KCNMB2: variants seen among roughly 807,000 people sequenced by gnomAD.
The protein encoded by KCNMB2 is potassium calcium-activated channel subfamily M regulatory beta subunit 2.
In KCNMB2, 9 loss-of-function variants were observed where a neutral mutation model predicts 24.5. That is an observed-to-expected ratio of 0.37 (90% CI 0.22 to 0.64). KCNMB2 has a LOEUF of 0.64. KCNMB2 is among the 30% of genes least tolerant of loss of function. The pLI, the probability that KCNMB2 is intolerant of heterozygous loss-of-function variation, is 0.63. For synonymous variants in KCNMB2, 109 were observed against 104.4 expected, an observed-to-expected ratio of 1.04 and a Z score of -0.27; for missense variants, 226 against 284.3, an observed-to-expected ratio of 0.79 and a Z score of 1.47.
intron 1 of KCNMB2, among the ~76,000 whole-genome samples, chr3:178,715,892 G>A (rs564841003): frequency 6.6e-6 from 1 of 152,282 alleles, no homozygotes; most frequent in East Asian, 1.9e-4. Flanking sequence ...CAACTTTTCA[G>A]GTAGCAAGTC....
chr3:178,563,719 G>A (rs1716406906), intron 1 of KCNMB2, among the ~76,000 whole-genome samples: 4 of 152,076 alleles, frequency 2.6e-5, no homozygotes, highest in Admixed American at 2.0e-4. Flanking sequence ...CAGGAAGTGT[G>A]GGTACTTTGG....
At chr3:178,671,097 C>T (rs896534639) in intron 1 of KCNMB2, among the ~76,000 whole-genome samples, 1 of 149,856 alleles carries the variant, frequency 6.7e-6, no homozygotes, top group African/African-American at 2.5e-5. Context: ...CCCCCCTCAC[C>T]ACCACCCCCC....
At chr3:178,717,344 G>A (rs879366824) in intron 1 of KCNMB2, among the ~76,000 whole-genome samples, 1 of 151,934 alleles carries the variant, frequency 6.6e-6, no homozygotes, top group Non-Finnish European at 1.5e-5. Flanking sequence ...CCTGCCCAGG[G>A]CTTCACATTC....
At chr3:178,828,924 A>ACT (rs1714942670) in intron 4 of KCNMB2, among the ~76,000 whole-genome samples, 1 of 70,216 alleles carries the variant, frequency 1.4e-5, no homozygotes, top group Non-Finnish European at 3.0e-5. Flanking sequence ...ACCCATGGTC[A>ACT]CTGTGTGTGT....
chr3:178,760,891 T>G lies in KCNMB2; in HGVS notation c.-67-46452T>G, dbSNP rs186688913. Among the ~76,000 whole-genome samples the G allele has an allele frequency of 1.6e-3, 250 of 152,256 alleles. 1 individual carries two copies. The highest frequency in any genetic ancestry group is 2.2e-3 in the Non-Finnish European group (149 of 68,004). On this transcript the variant is annotated intron_variant, in intron 1 of 4. Transcript: ENST00000452583. Reference sequence around the variant, plus strand: ...ATTATAGAAGATATTTAGGGTTTACTTTTTTACTGCTTATATCATTTTCTG... The same window carrying G: ...ATTATAGAAGATATTTAGGGTTTACGTTTTTACTGCTTATATCATTTTCTG...
chr3:178,772,369 G>T (rs1712405998), intron 1 of KCNMB2, among the ~76,000 whole-genome samples: 1 of 152,180 alleles, frequency 6.6e-6, no homozygotes, highest in Admixed American at 6.5e-5. Context: ...GTCATGGGAG[G>T]AGGCTGGAAG....
intron 1 of KCNMB2, among the ~76,000 whole-genome samples, chr3:178,739,722 C>A (rs1577139809): frequency 1.3e-5 from 2 of 152,142 alleles, no homozygotes; most frequent in African/African-American, 2.4e-5. Context: ...AGGTCACAAT[C>A]TCTAACGCTT....
chr3:178,672,406 G>C (rs961734855), intron 1 of KCNMB2, among the ~76,000 whole-genome samples: 4 of 152,194 alleles, frequency 2.6e-5, no homozygotes, highest in African/African-American at 9.6e-5. Context: ...TTCAGAATCA[G>C]TGTTCTCAAC....
At chr3:178,575,371 C>T (rs1028436153) in intron 1 of KCNMB2, among the ~76,000 whole-genome samples, 1 of 152,126 alleles carries the variant, frequency 6.6e-6, no homozygotes, top group Non-Finnish European at 1.5e-5. Context: ...TAGCATCATT[C>T]CAATCCTCCT....
intron 1 of KCNMB2, among the ~76,000 whole-genome samples, chr3:178,718,515 A>C (rs1046289172): frequency 3.5e-4 from 53 of 152,344 alleles, no homozygotes; most frequent in African/African-American, 1.3e-3. Context: ...GAATCAGAAG[A>C]TCTGAGTTAA....
chr3:178,589,684 T>C (rs1271627469), intron 1 of KCNMB2, among the ~76,000 whole-genome samples: 2 of 152,174 alleles, frequency 1.3e-5, no homozygotes, highest in Non-Finnish European at 2.9e-5. Flanking sequence ...CCTTGCTGTG[T>C]TGCCTACGCT....
At chr3:178,614,257 A>ATATG (rs1718605376) in intron 1 of KCNMB2, among the ~76,000 whole-genome samples, 1 of 29,822 alleles carries the variant, frequency 3.4e-5, no homozygotes, top group Non-Finnish European at 6.8e-5. Flanking sequence ...TTATATATAT[A>ATATG]TATATATATA....
At chr3:178,774,900 C>G (rs1712517871) in intron 1 of KCNMB2, among the ~76,000 whole-genome samples, 1 of 152,182 alleles carries the variant, frequency 6.6e-6, no homozygotes, top group African/African-American at 2.4e-5. Flanking sequence ...TCAGTATTTT[C>G]CTTGTTCCTT....
At chr3:178,824,200 T>A (rs569327576) in intron 2 of KCNMB2, among the ~76,000 whole-genome samples, 3 of 152,282 alleles carry the variant, frequency 2.0e-5, no homozygotes, top group Admixed American at 6.5e-5. Flanking sequence ...TCAAATCCAA[T>A]CCTCCATCCC....
intron 1 of KCNMB2, among the ~76,000 whole-genome samples, chr3:178,757,634 G>C (rs1379425098): frequency 3.3e-5 from 1 of 30,162 alleles, no homozygotes; most frequent in Non-Finnish European, 6.5e-5. Context: ...ATATATATAT[G>C]TATATATATC....
chr3:178,780,856 A>T (rs922734184), intron 1 of KCNMB2, among the ~76,000 whole-genome samples: 1 of 152,214 alleles, frequency 6.6e-6, no homozygotes, highest in African/African-American at 2.4e-5. Context: ...CTCAATAAAT[A>T]AAAATAGTGA....
rs79686169 is a variant in KCNMB2 at position 178,553,499 on chromosome 3, C to T, written c.-68+16788C>T. 6.0e-5 allele frequency among the ~76,000 whole-genome samples: 9 copies of T among 150,416 alleles called. No individual in the cohort carries two copies. In the East Asian group the frequency reaches 1.7e-3, roughly 29 times the overall value. ...GAGTTTTTGGCTGAGGAATGTCACT[C>T]AGCACTGAGCATTCTCTGATCAGCT... On this transcript the variant is annotated intron_variant, in intron 1 of 4. Coordinates refer to ENST00000452583, the MANE Select transcript of KCNMB2 (RefSeq NM_181361.3).
At chr3:178,800,730 G>A (rs986108594) in intron 1 of KCNMB2, among the ~76,000 whole-genome samples, 26 of 152,070 alleles carry the variant, frequency 1.7e-4, no homozygotes, top group African/African-American at 6.3e-4. Context: ...GTACTACCAC[G>A]TTTGTTGCAG....
chr3:178,825,535 G>C, intron 2 of KCNMB2, 53 bp from the exon 3 acceptor site: 1 of 1,502,572 alleles, frequency 6.7e-7, no homozygotes, highest in Middle Eastern at 1.7e-4. Flanking sequence ...TGCTCTCTAG[G>C]GGCATGCTGA....
Sources: gnomAD v4.1 joint callset for allele counts (sites outside exome capture counted in the v4.1 genomes callset) on GRCh38, gnomAD v4.1.1 for gene constraint, MANE v1.5 for transcripts, NCBI Gene and HGNC (gene_info 2026-07-23, HGNC 2026-07-21) for gene names.